The following SLC35D1 variants were observed in gnomAD, a reference collection of about 807,000 sequenced individuals.
The protein encoded by SLC35D1 is nucleotide sugar transporter SLC35D1.
A neutral mutation model predicts 46.7 loss-of-function variants in SLC35D1; 31 were observed. That is an observed-to-expected ratio of 0.66 (90% CI 0.50 to 0.90). SLC35D1 has a LOEUF of 0.90. Among genes scored for constraint, SLC35D1 ranks in the 40% least tolerant of loss-of-function variants. SLC35D1 has a pLI of 0.00. For synonymous variants in SLC35D1, 195 were observed against 164.6 expected (o/e 1.18, Z -1.41); for missense variants, 397 against 426.2 (o/e 0.93, Z 0.60).
chr1:67,005,065 G>C (rs760550461), intron 11 of SLC35D1, among the ~76,000 whole-genome samples: 48 of 152,060 alleles, frequency 3.2e-4, no homozygotes, highest in Non-Finnish European at 6.2e-4. Context: ...ATGATTACTT[G>C]GTCCATTCTC....
intron 10 of SLC35D1, among the ~76,000 whole-genome samples, chr1:67,014,649 T>C: frequency 1.4e-5 from 2 of 146,364 alleles, no homozygotes; most frequent in African/African-American, 5.0e-5. Context: ...TAAAATAAAA[T>C]TAAAATGTCT....
At position 67,000,649 on chromosome 1, in the gene SLC35D1, A is replaced by G. The variant is rs1241470322; in HGVS notation, c.*3691T>C. The G allele has an allele frequency of 6.6e-6, 1 of 152,216 alleles. No individual in the cohort carries two copies. The highest frequency in any genetic ancestry group is 1.5e-5 in the Non-Finnish European group (1 of 68,040). 9.4% of individuals were successfully genotyped at this position (152,216 alleles called of 1,614,324 possible). A position where few individuals can be genotyped will look rare whatever the true frequency, so the allele number is the denominator to read the frequency against. On this transcript the variant is annotated 3_prime_UTR_variant, in exon 12 of 12. Coordinates refer to ENST00000235345, the MANE Select transcript of SLC35D1 (RefSeq NM_015139.3). ...TAGCCACATTTGCTGAGGGCCTAAT[A>G]TGTACCAGGCATTGTGCTAAGTAGT...
At chr1:66,983,979 C>T in the SLC35D1 span, among the ~76,000 whole-genome samples, 1 of 152,214 alleles carries the variant, frequency 6.6e-6, no homozygotes, top group Admixed American at 6.5e-5. Flanking sequence ...CCGCCTTGGC[C>T]TCCCAAAGTG....
chr1:67,050,749 T>G (rs919166706), intron 4 of SLC35D1, among the ~76,000 whole-genome samples: 29 of 152,192 alleles, frequency 1.9e-4, no homozygotes, highest in Non-Finnish European at 4.4e-5. Context: ...ATTCTAATTA[T>G]GCAAAACCCT....
chr1:66,980,105 T>A, the SLC35D1 span, among the ~76,000 whole-genome samples: 1 of 152,206 alleles, frequency 6.6e-6, no homozygotes, highest in Non-Finnish European at 1.5e-5. Flanking sequence ...CCATTCCCAC[T>A]ATAACGTATT....
intron 8 of SLC35D1, among the ~76,000 whole-genome samples, chr1:67,021,954 C>T (rs1667817076): frequency 6.6e-6 from 1 of 152,234 alleles, no homozygotes. Context: ...TGGCTAATCT[C>T]AGTTCTTTCA....
chr1:67,049,855 A>G lies in SLC35D1; in HGVS notation c.465-5T>C, dbSNP rs762114068. On this transcript the variant is annotated splice_polypyrimidine_tract_variant and splice_region_variant and intron_variant, in intron 5 of 11. Transcript: ENST00000235345. ...ATACCCCAAGAAAAAGTCTTCCTAC[A>G]AAACAAAAAATTTTAAAATACACAC... The G allele has an allele frequency of 2.5e-6, 4 of 1,610,226 alleles. No homozygotes were observed. In the African/African-American group the frequency reaches 5.3e-5, roughly 22 times the overall value.
intron 8 of SLC35D1, among the ~76,000 whole-genome samples, chr1:67,041,959 T>G (rs1168449322): frequency 6.6e-6 from 1 of 152,196 alleles, no homozygotes; most frequent in Admixed American, 6.5e-5. Context: ...ATGTAAAAAT[T>G]CCCTTCCTCT....
chr1:66,973,108 T>C, the SLC35D1 span: 1 of 597,068 alleles, frequency 1.7e-6, no homozygotes, highest in Non-Finnish European at 2.9e-6. Context: ...AATATGACAA[T>C]ATTTTGGTAT....
chr1:66,986,241 G>A, the SLC35D1 span: 2 of 1,342,278 alleles, frequency 1.5e-6, no homozygotes, highest in Admixed American at 6.7e-5. Context: ...TCATTGCTCT[G>A]TGTGATTACA....
intron 1 of SLC35D1, 149 bp downstream of exon 1, chr1:67,053,662 C>A (rs529190829): frequency 8.4e-6 from 6 of 715,788 alleles, no homozygotes; most frequent in Non-Finnish European, 1.2e-5. Context: ...GCTGCCCGGG[C>A]CGCGCGCGTC....
intron 10 of SLC35D1, among the ~76,000 whole-genome samples, chr1:67,011,380 T>C (rs115452009): frequency 5.2e-4 from 79 of 152,306 alleles, no homozygotes; most frequent in African/African-American, 1.8e-3. Flanking sequence ...CCAGCCAGCA[T>C]AAGGATAAAA....
At chr1:67,029,608 C>T (rs879336460) in intron 8 of SLC35D1, among the ~76,000 whole-genome samples, 1 of 152,200 alleles carries the variant, frequency 6.6e-6, no homozygotes, top group Non-Finnish European at 1.5e-5. Flanking sequence ...GTAGATTAAA[C>T]ATCCATGATC....
At chr1:66,983,677 T>G in the SLC35D1 span, among the ~76,000 whole-genome samples, 3 of 152,234 alleles carry the variant, frequency 2.0e-5, no homozygotes, top group African/African-American at 7.2e-5. Context: ...GCATTAGTTT[T>G]TTAACATTAT....
chr1:67,036,042 A>T (rs954439141), intron 8 of SLC35D1, among the ~76,000 whole-genome samples: 2 of 152,116 alleles, frequency 1.3e-5, no homozygotes, highest in Non-Finnish European at 2.9e-5. Context: ...TGGTCAGAGA[A>T]GATGCTGGAT....
At chr1:66,998,341 T>C (rs1667267849), downstream of SLC35D1, among the ~76,000 whole-genome samples, 1 of 151,834 alleles carries the variant, frequency 6.6e-6, no homozygotes. Context: ...ATATAAAAAT[T>C]AGATGGGCGT....
chr1:67,017,628 T>C (rs531789906), intron 10 of SLC35D1, among the ~76,000 whole-genome samples: 93 of 152,294 alleles, frequency 6.1e-4, no homozygotes, highest in African/African-American at 2.2e-3. Flanking sequence ...ATCTGTCAGA[T>C]TGCCACTGCA....
At chr1:67,008,974 A>G in intron 11 of SLC35D1, 111 bp downstream of exon 11, 2 of 576,552 alleles carry the variant, frequency 3.5e-6, no homozygotes, top group Non-Finnish European at 6.5e-6. Context: ...GGCACTCCAC[A>G]TATGTTTAAT....
At chr1:66,976,082 C>A in the SLC35D1 span, among the ~76,000 whole-genome samples, 1 of 152,064 alleles carries the variant, frequency 6.6e-6, no homozygotes, top group African/African-American at 2.4e-5. Context: ...CTGCCCCCAC[C>A]CCCACCCCCT....
Sources: gnomAD v4.1 joint callset for allele counts (sites outside exome capture counted in the v4.1 genomes callset) on GRCh38, gnomAD v4.1.1 for gene constraint, MANE v1.5 for transcripts, NCBI Gene and HGNC (gene_info 2026-07-23, HGNC 2026-07-21) for gene names.